SVIL: variants seen among roughly 807,000 people sequenced by gnomAD.
SVIL encodes supervillin.
SVIL carries 101 observed loss-of-function variants against 240.4 expected under a neutral mutation model. The ratio of observed to expected loss-of-function variants is 0.42; its 90% CI spans 0.36 to 0.50. SVIL has a LOEUF of 0.50. Ranked by LOEUF, SVIL falls within the 20% of genes least tolerant of loss-of-function variation. SVIL has a pLI of 0.01. For synonymous variants in SVIL, 999 were observed against 1,100.0 expected, an observed-to-expected ratio of 0.91 and a Z score of 1.82; for missense variants, 2,512 against 2,818.7, an observed-to-expected ratio of 0.89 and a Z score of 2.46.
chr10:29,673,574 T>TG (rs1477374306), intron 2 of SVIL, among the ~76,000 whole-genome samples: 4 of 130,650 alleles, frequency 3.1e-5, no homozygotes, highest in African/African-American at 1.2e-4. Flanking sequence ...TACATGGCAT[T>TG]AGGGGGGAGA....
At chr10:29,498,084 C>T (rs113655970) in intron 18 of SVIL, among the ~76,000 whole-genome samples, 1,568 of 92,174 alleles carry the variant, frequency 0.017, 27 homozygotes, top group African/African-American at 0.06. Context: ...TCTGTCCCCT[C>T]CACCAAAAAA....
rs185250355 is a variant in SVIL, at chr10:29,673,297, T to C, written c.-301+13256A>G. Among the ~76,000 whole-genome samples the C allele has an allele frequency of 2.1e-3, 321 of 152,340 alleles. 3 individuals carry two copies. Among genetic ancestry groups the C allele is most frequent in the Non-Finnish European group, 3.6e-3 (246 of 68,030 alleles). ...TATTCTAAAAGATGCCATGCAATGATTATTAATTATATGTTAGTAAATAAT... is the reference window on the plus strand; with the variant it reads ...TATTCTAAAAGATGCCATGCAATGACTATTAATTATATGTTAGTAAATAAT... On this transcript the variant is annotated intron_variant, in intron 2 of 35. Transcript: ENST00000375400.
chr10:29,587,720 G>A (rs1418675347), intron 1 of SVIL, among the ~76,000 whole-genome samples: 1 of 152,108 alleles, frequency 6.6e-6, no homozygotes, highest in Non-Finnish European at 1.5e-5. Flanking sequence ...GAACTTAGGT[G>A]GCATATATTC....
chr10:29,632,513 A>G (rs966145429), intron 1 of SVIL, among the ~76,000 whole-genome samples: 7 of 151,964 alleles, frequency 4.6e-5, no homozygotes, highest in African/African-American at 7.2e-5. Flanking sequence ...AAGAAAAAAG[A>G]AAAAAAGAAT....
chr10:29,683,194 A>G (rs1238419242), intron 2 of SVIL, among the ~76,000 whole-genome samples: 2 of 152,212 alleles, frequency 1.3e-5, no homozygotes, highest in Non-Finnish European at 2.9e-5. Flanking sequence ...CAGGTCATAG[A>G]TGGAGTCAAA....
intron 1 of SVIL, among the ~76,000 whole-genome samples, chr10:29,570,367 A>G (rs547564421): frequency 1.3e-5 from 2 of 152,358 alleles, no homozygotes; most frequent in Admixed American, 6.5e-5. Flanking sequence ...ACTTCCCAAT[A>G]GTGCATTTGA....
At chr10:29,632,855 A>G (rs889358627) in intron 1 of SVIL, among the ~76,000 whole-genome samples, 3 of 152,150 alleles carry the variant, frequency 2.0e-5, no homozygotes, top group Admixed American at 1.3e-4. Context: ...ACACACACAC[A>G]CACACACAGA....
Position 29,486,391 on chromosome 10 carries a change from A to C in SVIL, c.4633+19T>G. The C allele has an allele frequency of 6.2e-7, 1 of 1,613,202 alleles. No homozygotes were observed. The highest frequency in any genetic ancestry group is 8.5e-7 in the Non-Finnish European group (1 of 1,179,764). On this transcript the variant is annotated intron_variant, in intron 25 of 37. Transcript: ENST00000355867. ...GAGATTCAAGTCTCGTCAATCTCTG[A>C]AGTACAATGAAGTCTTACATTGGTA... is the stretch of plus-strand genomic sequence containing the variant.
intron 2 of SVIL, among the ~76,000 whole-genome samples, chr10:29,681,081 C>T (rs1043349281): frequency 3.3e-5 from 5 of 152,118 alleles, no homozygotes; most frequent in African/African-American, 1.2e-4. Flanking sequence ...AGGTGAGTTC[C>T]CTGTGGAGGT....
intron 1 of SVIL, among the ~76,000 whole-genome samples, chr10:29,571,139 G>T (rs1470432026): frequency 1.3e-5 from 2 of 152,176 alleles, no homozygotes; most frequent in Non-Finnish European, 2.9e-5. Flanking sequence ...CACAGTGCAG[G>T]ACTAGAGCGA....
chr10:29,720,401 C>T (rs1035747328), intron 1 of SVIL, among the ~76,000 whole-genome samples: 4 of 152,072 alleles, frequency 2.6e-5, no homozygotes, highest in African/African-American at 9.7e-5. Flanking sequence ...AAAAATAAAA[C>T]TGTAGCTCCA....
chr10:29,593,321 C>T (rs1589343746), intron 1 of SVIL, among the ~76,000 whole-genome samples: 1 of 152,174 alleles, frequency 6.6e-6, no homozygotes, highest in Middle Eastern at 3.2e-3. Context: ...TGTTAAGTGC[C>T]TGAAACTCAC....
intron 17 of SVIL, among the ~76,000 whole-genome samples, chr10:29,502,644 A>T (rs968836635): frequency 2.0e-5 from 3 of 151,852 alleles, no homozygotes; most frequent in African/African-American, 4.8e-5. Context: ...TGGAAGAGAA[A>T]TTGAGTATTT....
chr10:29,608,559 G>T (rs140190968), intron 1 of SVIL, among the ~76,000 whole-genome samples: 75 of 152,344 alleles, frequency 4.9e-4, no homozygotes, highest in African/African-American at 1.8e-3. Flanking sequence ...ATTCCTTCAG[G>T]CAGAGGTGCC....
chr10:29,607,798 C>T (rs1957080616), intron 1 of SVIL, among the ~76,000 whole-genome samples: 2 of 152,188 alleles, frequency 1.3e-5, no homozygotes, highest in African/African-American at 4.8e-5. Flanking sequence ...CAGCTCAAGG[C>T]TTCCCATCCT....
At position 29,506,665 on chromosome 10, in the gene SVIL, G is replaced by A. The variant is rs1050795963; in HGVS notation, c.3516+6070C>T. ...GAGGGGACAGAGGCCCTGGAGGGAG[G>A]GGACAGAGGCCCTATGAGGGAGGGG... On this transcript the variant is annotated intron_variant, in intron 17 of 37. Transcript: ENST00000355867. Among the ~76,000 whole-genome samples the A allele has an allele frequency of 9.1e-4, 102 of 111,780 alleles. 1 individual carries two copies. The highest frequency in any genetic ancestry group is 2.1e-3 in the African/African-American group (72 of 33,588). 73.3% of individuals were successfully genotyped at this position (111,780 alleles called of 152,430 possible). A position where few individuals can be genotyped will look rare whatever the true frequency, so the allele number is the denominator to read the frequency against.
At chr10:29,620,016 T>C (rs555434106) in intron 1 of SVIL, among the ~76,000 whole-genome samples, 36 of 152,310 alleles carry the variant, frequency 2.4e-4, no homozygotes, top group Middle Eastern at 6.8e-3. Flanking sequence ...CAAGGTATCA[T>C]GAAGCCTAGA....
At chr10:29,495,370 G>A in intron 18 of SVIL, among the ~76,000 whole-genome samples, 189 bp from the exon 19 acceptor site, 1 of 151,804 alleles carries the variant, frequency 6.6e-6, no homozygotes, top group African/African-American at 2.4e-5. Context: ...ACGTAGACTG[G>A]ATTTTATTAT....
rs534743431 is a variant in SVIL, at chr10:29,606,779, G to C, written c.-201+27641C>G. Among the ~76,000 whole-genome samples, 19 of 152,202 alleles carry C rather than the reference G, an allele frequency of 1.2e-4. No individual in the cohort carries two copies. The East Asian group carries it at 3.5e-3, about 28-fold the overall frequency. ...TTTTTTTATTTGTTTATTTGAGTCA[G>C]AGTCTTGTTCTGTCGCCCAGGCTGG... On this transcript the variant is annotated intron_variant, in intron 1 of 37. Transcript: ENST00000355867.
Sources: gnomAD v4.1 joint callset for allele counts (sites outside exome capture counted in the v4.1 genomes callset) on GRCh38, gnomAD v4.1.1 for gene constraint, MANE v1.5 for transcripts, NCBI Gene and HGNC (gene_info 2026-07-23, HGNC 2026-07-21) for gene names.